XRCC5: variants seen among roughly 807,000 people sequenced by gnomAD.
XRCC5 encodes the protein DNA repair protein Ku80.
XRCC5 carries 12 observed loss-of-function variants against 95.7 expected under a neutral mutation model. That is an observed-to-expected ratio of 0.13 (90% CI 0.08 to 0.20). The LOEUF (loss-of-function observed/expected upper bound fraction) is 0.20, where lower values mean the gene tolerates loss of function less well. XRCC5 is among the 10% of genes least tolerant of loss of function. The probability of loss-of-function intolerance (pLI) is 1.00; values close to 1 mark genes in which losing one functional copy is unlikely to be tolerated. For missense variants in XRCC5, 595 were observed against 873.9 expected, an observed-to-expected ratio of 0.68 and a Z score of 4.02; for synonymous variants, 281 against 290.3, an observed-to-expected ratio of 0.97 and a Z score of 0.33.
At chr2:216,113,394 A>G (rs762347163) in intron 2 of XRCC5, among the ~76,000 whole-genome samples, 2 of 152,158 alleles carry the variant, frequency 1.3e-5, no homozygotes, top group African/African-American at 4.8e-5. Flanking sequence ...TAAAAGCACA[A>G]TCTCTAGAGA....
chr2:216,132,340 T>C lies in XRCC5; in HGVS notation c.1066T>C (p.Phe356Leu), dbSNP rs752170403. The C allele has an allele frequency of 3.1e-6, 5 of 1,614,026 alleles. No homozygotes were observed. The highest frequency in any genetic ancestry group is 4.2e-6 in the Non-Finnish European group (5 of 1,179,882). The change falls in exon 10 of 21, where the codon TTC becomes CTC. Residue 356 changes from phenylalanine (F) to leucine (L), a missense_variant. Coordinates refer to ENST00000392132, the MANE Select transcript of XRCC5 (RefSeq NM_021141.4). Reference protein sequence around the residue: ...CKSSQVQRRFFMGNQVLKVFA... With the variant: ...CKSSQVQRRFLMGNQVLKVFA... ...TCTCTTGTAGGTTCAGAGAAGATTC[T>C]TCATGGGAAATCAAGTTCTAAAGGT...
chr2:216,186,011 G>A (rs1371332762), intron 16 of XRCC5, among the ~76,000 whole-genome samples: 1 of 152,190 alleles, frequency 6.6e-6, no homozygotes, highest in Non-Finnish European at 1.5e-5. Flanking sequence ...TTTACATGAG[G>A]CATTGAGAAA....
chr2:216,168,385 A>G (rs979059391), intron 16 of XRCC5, among the ~76,000 whole-genome samples: 89 of 152,338 alleles, frequency 5.8e-4, no homozygotes, highest in African/African-American at 2.1e-3. Context: ...TCAGCAGCCA[A>G]ATAATTTAGA....
At chr2:216,170,455 T>C (rs1466080314) in intron 16 of XRCC5, among the ~76,000 whole-genome samples, 1 of 151,976 alleles carries the variant, frequency 6.6e-6, no homozygotes, top group Non-Finnish European at 1.5e-5. Flanking sequence ...TTACTTAATA[T>C]ACTAAATCAC....
intron 19 of XRCC5, among the ~76,000 whole-genome samples, chr2:216,201,930 T>C (rs550806535): frequency 6.6e-6 from 1 of 152,358 alleles, no homozygotes; most frequent in East Asian, 1.9e-4. Flanking sequence ...AAACATAATT[T>C]GCTTACACAG....
chr2:216,124,112 T>G (rs555894795), intron 6 of XRCC5, among the ~76,000 whole-genome samples: 1 of 152,312 alleles, frequency 6.6e-6, no homozygotes, highest in Admixed American at 6.5e-5. Context: ...CTAGCATGGT[T>G]AGAAATAGAA....
At chr2:216,202,611 C>CCATTGATTCTCAGTCCTG (rs1328739355) in intron 19 of XRCC5, among the ~76,000 whole-genome samples, 8 of 152,168 alleles carry the variant, frequency 5.3e-5, no homozygotes, top group African/African-American at 1.9e-4. Context: ...CTCTCTTATA[C>CCATTGATTCTCAGTCCTG]CATTGATTCT....
intron 2 of XRCC5, among the ~76,000 whole-genome samples, chr2:216,113,541 C>T (rs1265827137): frequency 1.3e-5 from 2 of 152,202 alleles, no homozygotes. Flanking sequence ...TGTAGTGTCT[C>T]AAGTAACATT....
chr2:216,119,051 A>C lies in XRCC5; in HGVS notation c.377A>C (p.Lys126Thr), dbSNP rs1329726405. ...ATAACTCTCTCTTTTAGAGGAAAGAAGTTTGAGAAGAGGCATATTGAAATA... is the reference window on the plus strand; with the variant it reads ...ATAACTCTCTCTTTTAGAGGAAAGACGTTTGAGAAGAGGCATATTGAAATA... Reference protein sequence around the residue: ...DVIQHETIGKKFEKRHIEIFT... With the variant: ...DVIQHETIGKTFEKRHIEIFT... The change falls in exon 5 of 21, where the codon AAG becomes ACG. Residue 126 changes from lysine (K) to threonine (T), a missense_variant. By Grantham distance (78) the Lys-to-Thr change is moderately conservative (BLOSUM62 -1). Coordinates refer to ENST00000392132, the MANE Select transcript of XRCC5 (RefSeq NM_021141.4). The C allele has an allele frequency of 6.2e-7, 1 of 1,613,862 alleles. No individual in the cohort carries two copies. Among genetic ancestry groups the C allele is most frequent in the East Asian group, 2.2e-5 (1 of 44,880 alleles).
chr2:216,109,502 C>G (rs1299162340), intron 1 of XRCC5, 45 bp downstream of exon 1: 10 of 1,611,862 alleles, frequency 6.2e-6, no homozygotes, highest in Non-Finnish European at 8.5e-6. Context: ...GACTGGGGAT[C>G]CGGAGAGGGT....
Position 216,137,214 on chromosome 2 carries a change from C to T in XRCC5, c.1240C>T (p.His414Tyr). The change falls in exon 11 of 21, where the codon CAT becomes TAT. Residue 414 changes from histidine (H) to tyrosine (Y), a missense_variant. His to Tyr is a moderately conservative substitution (Grantham distance 83). Transcript: ENST00000392132. ...CGGCGTGGCTTTTCCTCATATCAAG[C>T]ATAACTATGAGGTAAAACCCAAAGT... is the stretch of plus-strand genomic sequence containing the variant. ...QVGVAFPHIKHNYECLVYVQL... is the reference protein window; with the variant it reads ...QVGVAFPHIKYNYECLVYVQL... 2.5e-6 allele frequency: 4 copies of T among 1,612,964 alleles called. No individual in the cohort carries two copies. Among genetic ancestry groups the T allele is most frequent in the Non-Finnish European group, 3.4e-6 (4 of 1,179,388 alleles).
chr2:216,129,084 A>C (rs905467504), intron 8 of XRCC5, among the ~76,000 whole-genome samples: 1 of 152,266 alleles, frequency 6.6e-6, no homozygotes, highest in Non-Finnish European at 1.5e-5. Flanking sequence ...TATTTTAAGA[A>C]GATTAATATG....
At chr2:216,117,680 T>C (rs1483197956) in intron 3 of XRCC5, 66 bp from the exon 4 acceptor site, 50 of 1,539,976 alleles carry the variant, frequency 3.2e-5, no homozygotes, top group Admixed American at 8.4e-5. Flanking sequence ...GTGGACTTCA[T>C]TGGAAAGAGT....
chr2:216,184,422 TAGAA>T (rs1689454043), intron 16 of XRCC5, among the ~76,000 whole-genome samples: 1 of 152,202 alleles, frequency 6.6e-6, no homozygotes, highest in Non-Finnish European at 1.5e-5. Flanking sequence ...CCTACCTCAC[TAGAA>T]AGAAAGAAAC....
intron 4 of XRCC5, 124 bp downstream of exon 4, chr2:216,117,918 A>T (rs1223802710): frequency 1.4e-5 from 14 of 1,008,578 alleles, no homozygotes; most frequent in Non-Finnish European, 1.8e-5. Context: ...CAAGAGAAAC[A>T]TTTTATAGAA....
At chr2:216,152,837 A>T (rs946482793) in intron 14 of XRCC5, among the ~76,000 whole-genome samples, 3 of 151,858 alleles carry the variant, frequency 2.0e-5, no homozygotes, top group Non-Finnish European at 4.4e-5. Context: ...TTGTCGAGAT[A>T]GAGTCTTACT....
rs141620283 is a variant in XRCC5 at position 216,112,229 on chromosome 2, C to G, written c.22-787C>G. 2.3e-3 allele frequency among the ~76,000 whole-genome samples: 352 copies of G among 152,268 alleles called. 5 individuals carry two copies. Among genetic ancestry groups the G allele is most frequent in the African/African-American group, 8.0e-3 (331 of 41,538 alleles). On this transcript the variant is annotated intron_variant, in intron 1 of 20. Transcript: ENST00000392132. ...GTGATTGCTATGTAATGGCTTGTGCCTTAGCTTATGTGATTCCGTCTGTCA... is the reference window on the plus strand; with the variant it reads ...GTGATTGCTATGTAATGGCTTGTGCGTTAGCTTATGTGATTCCGTCTGTCA...
intron 3 of XRCC5, chr2:216,117,455 G>A (rs705650): frequency 0.52 from 188,707 of 365,666 alleles, 51,194 homozygotes; most frequent in Non-Finnish European, 0.56. Flanking sequence ...TGGCCACCAA[G>A]AATGGGTTCT....
At chr2:216,189,445 AT>A (rs1453480299) in intron 16 of XRCC5, among the ~76,000 whole-genome samples, 2 of 152,096 alleles carry the variant, frequency 1.3e-5, no homozygotes, top group Admixed American at 6.5e-5. Flanking sequence ...TGACTTTTAG[AT>A]TTCCTTTTTC....
Sources: gnomAD v4.1 joint callset for allele counts (sites outside exome capture counted in the v4.1 genomes callset) on GRCh38, gnomAD v4.1.1 for gene constraint, MANE v1.5 for transcripts, NCBI Gene and HGNC (gene_info 2026-07-23, HGNC 2026-07-21) for gene names.